The following MBD5 variants were observed in gnomAD, a reference collection of about 807,000 sequenced individuals.
MBD5 encodes methyl-CpG-binding domain protein 5.
Under a neutral mutation model 117.3 loss-of-function variants are expected in MBD5, and 13 were observed. The observed-to-expected ratio is 0.11, with a 90% confidence interval of 0.07 to 0.18. MBD5 has a LOEUF of 0.18. MBD5 is among the 10% of genes least tolerant of loss of function. The pLI, the probability that MBD5 is intolerant of heterozygous loss-of-function variation, is 1.00. For missense variants in MBD5, 1,879 were observed against 2,093.8 expected, an observed-to-expected ratio of 0.90 and a Z score of 2.00; for synonymous variants, 727 against 766.4, an observed-to-expected ratio of 0.95 and a Z score of 0.85.
chr2:148,365,123 A>G (rs1359615748), intron 4 of MBD5, among the ~76,000 whole-genome samples: 1 of 152,210 alleles, frequency 6.6e-6, no homozygotes, highest in Non-Finnish European at 1.5e-5. Context: ...AAGAACAGAA[A>G]TCTTAACAAA....
intron 4 of MBD5, among the ~76,000 whole-genome samples, chr2:148,363,568 A>G (rs1703604581): frequency 6.6e-6 from 1 of 152,082 alleles, no homozygotes; most frequent in African/African-American, 2.4e-5. Flanking sequence ...ACAAATTGCT[A>G]ACTAAAATAA....
intron 1 of MBD5, among the ~76,000 whole-genome samples, chr2:148,086,542 G>C (rs183053962): frequency 2.0e-5 from 3 of 152,056 alleles, no homozygotes; most frequent in African/African-American, 7.2e-5. Context: ...CTCCTTACCT[G>C]ACCCTGGCTC....
In MBD5 at chr2:148,513,084, C is replaced by A; in HGVS notation, c.*143C>A. 1 of 844,400 alleles carries A rather than the reference C, an allele frequency of 1.2e-6. No homozygotes were observed. Among genetic ancestry groups the A allele is most frequent in the Non-Finnish European group, 1.9e-6 (1 of 530,950 alleles). The allele number at this position is 844,400 out of a possible 1,614,324, so 52.3% of individuals were successfully genotyped here. On this transcript the variant is annotated 3_prime_UTR_variant, in exon 14 of 14. Coordinates refer to ENST00000642680, the MANE Select transcript of MBD5 (RefSeq NM_001378120.1). ...CACCACCACAGGGTGCTAAAAGAAA[C>A]AGTGATACAAAATTTTTTTGATCAG...
At chr2:148,267,187 G>A (rs1404395563) in intron 3 of MBD5, among the ~76,000 whole-genome samples, 1 of 151,996 alleles carries the variant, frequency 6.6e-6, no homozygotes, top group Admixed American at 6.6e-5. Flanking sequence ...TATTGTAAGG[G>A]GCATTGAGAC....
chr2:148,221,665 T>C (rs1352689420), intron 2 of MBD5, among the ~76,000 whole-genome samples: 2 of 152,112 alleles, frequency 1.3e-5, no homozygotes, highest in Non-Finnish European at 2.9e-5. Flanking sequence ...TATTAACCCC[T>C]AGTCTGATGG....
chr2:148,180,965 A>T (rs181918972), intron 2 of MBD5, among the ~76,000 whole-genome samples: 94 of 152,300 alleles, frequency 6.2e-4, no homozygotes, highest in African/African-American at 2.0e-3. Context: ...TTTTTATATG[A>T]GAAATTTCAA....
chr2:148,180,948 T>C (rs1157754458), intron 2 of MBD5, among the ~76,000 whole-genome samples: 1 of 152,208 alleles, frequency 6.6e-6, no homozygotes, highest in Non-Finnish European at 1.5e-5. Flanking sequence ...ATGCATACAT[T>C]TTAAAATTTT....
At chr2:148,149,530 G>A (rs1427440128) in intron 1 of MBD5, among the ~76,000 whole-genome samples, 2 of 150,656 alleles carry the variant, frequency 1.3e-5, no homozygotes, top group African/African-American at 2.4e-5. Flanking sequence ...CTTCCACAAG[G>A]GTTGAACTAG....
At chr2:148,411,512 C>CTTTTTTTTTTTTTTTTTTTT (rs1188326755) in intron 4 of MBD5, among the ~76,000 whole-genome samples, 2 of 97,450 alleles carry the variant, frequency 2.1e-5, no homozygotes, top group African/African-American at 4.0e-5. Flanking sequence ...AGCATCTGTT[C>CTTTTTTTTTTTTTTTTTTTT]TTTTTTTTTT....
chr2:148,160,288 C>T (rs1402460508), intron 1 of MBD5, among the ~76,000 whole-genome samples: 1 of 152,060 alleles, frequency 6.6e-6, no homozygotes, highest in Non-Finnish European at 1.5e-5. Flanking sequence ...ATTCCAGCTA[C>T]TTGGGAGGCT....
At chr2:148,066,067 C>T (rs1487046320) in intron 1 of MBD5, among the ~76,000 whole-genome samples, 1 of 152,144 alleles carries the variant, frequency 6.6e-6, no homozygotes, top group Non-Finnish European at 1.5e-5. Context: ...GTAATCCCAG[C>T]ACTTAAGGAG....
intron 1 of MBD5, among the ~76,000 whole-genome samples, chr2:148,030,598 G>T (rs963712798): frequency 6.6e-6 from 1 of 152,104 alleles, no homozygotes; most frequent in South Asian, 2.1e-4. Flanking sequence ...TGGAAGATAG[G>T]TATCAAATTC....
chr2:148,143,906 T>A (rs1159240140), intron 1 of MBD5, among the ~76,000 whole-genome samples: 1 of 152,022 alleles, frequency 6.6e-6, no homozygotes, highest in East Asian at 1.9e-4. Flanking sequence ...AGTGCCGCAA[T>A]AAACATACGT....
At chr2:148,500,636 CT>C (rs1346259584) in intron 11 of MBD5, among the ~76,000 whole-genome samples, 1 of 152,120 alleles carries the variant, frequency 6.6e-6, no homozygotes, top group East Asian at 1.9e-4. Flanking sequence ...GTTTTAATTG[CT>C]GTGTCTTGCT....
At chr2:148,041,801 C>T (rs147220236) in intron 1 of MBD5, among the ~76,000 whole-genome samples, 42 of 152,220 alleles carry the variant, frequency 2.8e-4, no homozygotes, top group African/African-American at 5.1e-4. Flanking sequence ...TCTCCAAAAA[C>T]GTAAAAATCC....
chr2:148,177,636 G>T (rs983215861), intron 1 of MBD5, among the ~76,000 whole-genome samples: 18 of 152,116 alleles, frequency 1.2e-4, no homozygotes, highest in African/African-American at 3.6e-4. Context: ...CTAAATATTT[G>T]CAGTGAAATT....
At chr2:148,272,455 T>A (rs1480151023) in intron 3 of MBD5, among the ~76,000 whole-genome samples, 1 of 152,192 alleles carries the variant, frequency 6.6e-6, no homozygotes. Context: ...TTTTTTTTGT[T>A]TGTTTTTCGT....
At chr2:148,426,132 C>T (rs1705774760) in intron 4 of MBD5, among the ~76,000 whole-genome samples, 1 of 152,164 alleles carries the variant, frequency 6.6e-6, no homozygotes, top group African/African-American at 2.4e-5. Flanking sequence ...CTACAAACCA[C>T]TGCTCAATGA....
At chr2:148,272,204 G>A (rs963777126) in intron 3 of MBD5, among the ~76,000 whole-genome samples, 1 of 152,134 alleles carries the variant, frequency 6.6e-6, no homozygotes, top group African/African-American at 2.4e-5. Flanking sequence ...GGACACTGAG[G>A]TTGATTCCAT....
Sources: allele counts gnomAD v4.1 joint callset (sites outside exome capture counted in the v4.1 genomes callset), GRCh38; gene constraint gnomAD v4.1.1; transcripts MANE v1.5; gene names NCBI Gene and HGNC (gene_info 2026-07-23, HGNC 2026-07-21).